SHF: variants seen among roughly 807,000 people sequenced by gnomAD.
SHF encodes SH2 domain-containing adapter protein F.
SHF carries 30 observed loss-of-function variants against 42.4 expected under a neutral mutation model. That is an observed-to-expected ratio of 0.71 (90% CI 0.53 to 0.96). SHF has a LOEUF of 0.96. SHF is among the 40% of genes least tolerant of loss of function. SHF has a pLI of 0.00. For synonymous variants in SHF, 264 were observed against 269.9 expected (o/e 0.98, Z 0.21); for missense variants, 598 against 634.0 (o/e 0.94, Z 0.61).
intron 2 of SHF, among the ~76,000 whole-genome samples, chr15:45,197,875 T>A (rs1270780992): frequency 6.6e-6 from 1 of 151,406 alleles, no homozygotes; most frequent in Admixed American, 6.6e-5. Flanking sequence ...CATGTTTGCG[T>A]TTTATGCAAA....
At chr15:45,178,366 C>T in intron 1 of SHF, 60 bp from the exon 2 acceptor site, 2 of 1,570,996 alleles carry the variant, frequency 1.3e-6, no homozygotes, top group East Asian at 2.3e-5. Flanking sequence ...TCTGCTTCTC[C>T]CAAGGTACTC....
chr15:45,196,184 G>A (rs1898856579), intron 2 of SHF, among the ~76,000 whole-genome samples: 1 of 138,046 alleles, frequency 7.2e-6, no homozygotes, highest in Admixed American at 8.0e-5. Flanking sequence ...TGCAACCTCC[G>A]CCCCCCGGGT....
chr15:45,183,875 G>A (rs991307884), intron 1 of SHF, among the ~76,000 whole-genome samples: 1 of 152,218 alleles, frequency 6.6e-6, no homozygotes, highest in Non-Finnish European at 1.5e-5. Context: ...CATCCTCAAA[G>A]CAGCAACGGC....
At position 45,178,235 on chromosome 15, in the gene SHF, T is replaced by C; in HGVS notation, c.570A>G (p.Ser190=). ...QETGEGSAGA[S]GAPEKVPEND... is the part of the protein sequence containing the mutation. Reference sequence around the variant, plus strand: ...TTTCAGGGACCTTCTCTGGGGCTCCTGAAGCTCCTGCTGAGCCTTCGCCAG... The same window carrying C: ...TTTCAGGGACCTTCTCTGGGGCTCCCGAAGCTCCTGCTGAGCCTTCGCCAG... The change falls in exon 2 of 7, where the codon TCA becomes TCG. Residue 190 remains serine (S), a synonymous_variant. Coordinates refer to ENST00000690270, the MANE Select transcript of SHF (RefSeq NM_001394037.1). 1 of 1,613,998 alleles carries C rather than the reference T, an allele frequency of 6.2e-7. No homozygotes were observed. The highest frequency in any genetic ancestry group is 8.5e-7 in the Non-Finnish European group (1 of 1,179,896).
intron 2 of SHF, among the ~76,000 whole-genome samples, chr15:45,197,492 C>T (rs1898902987): frequency 6.6e-6 from 1 of 152,180 alleles, no homozygotes; most frequent in Non-Finnish European, 1.5e-5. Flanking sequence ...TCCAAATGGC[C>T]TGCCAAGTCA....
At chr15:45,175,567 C>A in intron 2 of SHF, 142 bp from the exon 3 acceptor site, 1 of 802,682 alleles carries the variant, frequency 1.2e-6, no homozygotes, top group Non-Finnish European at 2.0e-6. Context: ...AACCACACAT[C>A]CTGGGTTCCT....
upstream of SHF, chr15:45,187,991 T>C: frequency 1.9e-6 from 1 of 540,386 alleles, no homozygotes; most frequent in Non-Finnish European, 2.1e-6. Context: ...CAGCGGCGGG[T>C]GGGGGGCGGG....
intron 1 of SHF, among the ~76,000 whole-genome samples, chr15:45,178,918 G>A (rs1034313431): frequency 3.9e-5 from 6 of 152,244 alleles, no homozygotes; most frequent in Admixed American, 1.3e-4. Flanking sequence ...TGGGCCATAG[G>A]GCCTGCCTCA....
chr15:45,178,519 C>G (rs887518325), intron 1 of SHF, among the ~76,000 whole-genome samples: 1 of 150,220 alleles, frequency 6.7e-6, no homozygotes, highest in Non-Finnish European at 1.5e-5. Context: ...CCAAGTGGTA[C>G]CTCTTTCCTT....
In SHF at chr15:45,187,736, G is replaced by T; in HGVS notation, c.216C>A (p.Pro72=). The T allele has an allele frequency of 3.1e-6, 3 of 977,120 alleles. No individual in the cohort carries two copies. Among genetic ancestry groups the T allele is most frequent in the East Asian group, 6.9e-5 (2 of 28,956 alleles). 60.5% of individuals were successfully genotyped at this position (977,120 alleles called of 1,614,324 possible). A position where few individuals can be genotyped will look rare whatever the true frequency, so the allele number is the denominator to read the frequency against. ...GGGGGSKPAP[P]EPDYRPPAPS... is the part of the protein sequence containing the mutation. ...GCGCAGGGGGGCGGTAGTCGGGCTC[G>T]GGGGGCGCCGGCTTGCTGCCCCCTC... Residue 72 remains proline (P), a synonymous_variant, in exon 1 of 7, where the codon CCC becomes CCA. Transcript: ENST00000690270.
chr15:45,188,260 CCCAT>C (rs1249963571), upstream of SHF, among the ~76,000 whole-genome samples: 4 of 152,194 alleles, frequency 2.6e-5, no homozygotes, highest in Non-Finnish European at 4.4e-5. Flanking sequence ...CGCATCCATC[CCCAT>C]CTGTTCTTTT....
intron 2 of SHF, among the ~76,000 whole-genome samples, chr15:45,193,874 C>T (rs1017807440): frequency 6.6e-6 from 1 of 150,410 alleles, no homozygotes; most frequent in Non-Finnish European, 1.5e-5. Flanking sequence ...GTCAGGAGTT[C>T]AAGAGCTTGT....
Position 45,167,854 on chromosome 15 carries a change from G to T in SHF, c.*93C>A. 2 of 1,239,412 alleles carry T rather than the reference G, an allele frequency of 1.6e-6. No homozygotes were observed. The highest frequency in any genetic ancestry group is 2.7e-5 in the East Asian group (1 of 37,050). The allele number at this position is 1,239,412 out of a possible 1,614,324, so 76.8% of individuals were successfully genotyped here. On this transcript the variant is annotated 3_prime_UTR_variant, in exon 7 of 7. Transcript: ENST00000690270. The stretch of plus-strand genomic sequence containing the variant: ...CTGGATCCCAGGAGAAGAAAGGTTT[G>T]AAAGATCACGTCCCTGGCAAGAGCC...
At position 45,173,562 on chromosome 15, in the gene SHF, C is replaced by T; in HGVS notation, c.988+14G>A. 6.8e-7 allele frequency: 1 copy of T among 1,481,300 alleles called. No individual in the cohort carries two copies. Among genetic ancestry groups the T allele is most frequent in the Non-Finnish European group, 9.0e-7 (1 of 1,116,094 alleles). The allele number at this position is 1,481,300 out of a possible 1,614,324, so 91.8% of individuals were successfully genotyped here. On this transcript the variant is annotated intron_variant, in intron 4 of 6. Coordinates refer to ENST00000690270, the MANE Select transcript of SHF (RefSeq NM_001394037.1). ...AGGACATGTCACCCTGGCCAGAAGC[C>T]CCCCAGGACCCACCGCTGCTGTCCT...
At chr15:45,187,992 G>C (rs897263957), upstream of SHF, 60 of 838,906 alleles carry the variant, frequency 7.2e-5, no homozygotes, top group East Asian at 2.2e-3. Context: ...AGCGGCGGGT[G>C]GGGGGCGGGG....
intron 1 of SHF, among the ~76,000 whole-genome samples, chr15:45,183,971 C>T (rs1359925553): frequency 6.6e-6 from 1 of 152,212 alleles, no homozygotes; most frequent in African/African-American, 2.4e-5. Context: ...CTACCTTCTC[C>T]TCCCTCCCTT....
At chr15:45,174,088 G>T (rs1897667868) in intron 3 of SHF, 1 of 235,284 alleles carries the variant, frequency 4.3e-6, no homozygotes, top group Admixed American at 5.1e-5. Flanking sequence ...CACCACATCT[G>T]GGTTCCCATA....
intron 1 of SHF, chr15:45,199,203 T>G: frequency 9.2e-7 from 1 of 1,086,292 alleles, no homozygotes; most frequent in Non-Finnish European, 1.3e-6. Context: ...CAGCCTCTCA[T>G]ACTCCCCTGA....
At chr15:45,190,059 T>A (rs1898670980), upstream of SHF, among the ~76,000 whole-genome samples, 1 of 152,154 alleles carries the variant, frequency 6.6e-6, no homozygotes, top group African/African-American at 2.4e-5. Context: ...ATGTGGACAC[T>A]AATCTCCTGG....
Sources: gnomAD v4.1 joint callset for allele counts (sites outside exome capture counted in the v4.1 genomes callset) on GRCh38, gnomAD v4.1.1 for gene constraint, MANE v1.5 for transcripts, NCBI Gene and HGNC (gene_info 2026-07-23, HGNC 2026-07-21) for gene names.